UBAP2: variants seen among roughly 807,000 people sequenced by gnomAD.
UBAP2 encodes ubiquitin associated protein 2.
In UBAP2, 75 loss-of-function variants were observed where a neutral mutation model predicts 139.6. That is an observed-to-expected ratio of 0.54 (90% CI 0.45 to 0.65). The LOEUF (loss-of-function observed/expected upper bound fraction) is 0.65. UBAP2 is among the 30% of genes least tolerant of loss of function. The pLI, the probability that UBAP2 is intolerant of heterozygous loss-of-function variation, is 0.00. For synonymous variants in UBAP2, 526 were observed against 526.2 expected, an observed-to-expected ratio of 1.00 and a Z score of 0.01; for missense variants, 1,368 against 1,369.6, an observed-to-expected ratio of 1.00 and a Z score of 0.02.
chr9:33,960,604 C>A (rs1015246578), intron 10 of UBAP2, among the ~76,000 whole-genome samples: 1 of 151,536 alleles, frequency 6.6e-6, no homozygotes, highest in Non-Finnish European at 1.5e-5. Context: ...GGTGAAACAT[C>A]GTCTCTACTA....
At chr9:33,938,930 T>C (rs1285059160) in intron 16 of UBAP2, 1 of 455,452 alleles carries the variant, frequency 2.2e-6, no homozygotes, top group Admixed American at 2.4e-5. Flanking sequence ...AATTTTAATC[T>C]GTGGATATTC....
At chr9:33,980,601 G>A (rs1397935198) in intron 6 of UBAP2, among the ~76,000 whole-genome samples, 2 of 152,012 alleles carry the variant, frequency 1.3e-5, no homozygotes, top group Non-Finnish European at 2.9e-5. Flanking sequence ...ATGGATCTAT[G>A]TCAAGTACAT....
intron 2 of UBAP2, among the ~76,000 whole-genome samples, chr9:34,000,258 G>C (rs1822589707): frequency 1.3e-5 from 2 of 152,222 alleles, no homozygotes; most frequent in Middle Eastern, 3.4e-3. Context: ...TGGACTACAG[G>C]TGCGCACCAC....
chr9:33,945,586 C>T (rs923351586), intron 13 of UBAP2, among the ~76,000 whole-genome samples: 3 of 152,196 alleles, frequency 2.0e-5, no homozygotes, highest in African/African-American at 7.2e-5. Context: ...CATACTTGCT[C>T]CACAAAGGCA....
Position 33,923,871 on chromosome 9 carries a change from G to A in UBAP2, c.2720C>T (p.Pro907Leu). The A allele has an allele frequency of 6.2e-7, 1 of 1,614,222 alleles. No homozygotes were observed. Among genetic ancestry groups the A allele is most frequent in the Non-Finnish European group, 8.5e-7 (1 of 1,180,038 alleles). Residue 907 changes from proline (P) to leucine (L), a missense_variant, in exon 24 of 29, where the codon CCA becomes CTA. By Grantham distance (98) the Pro-to-Leu change is moderately conservative. Transcript: ENST00000379238. ...AQQPFVNPAL[P>L]PGYSYTGLPY... ...AAGACCAGTGTAGCTATAGCCAGGT[G>A]GCAGTGCAGGATTCACGAAGGGCTG...
intron 2 of UBAP2, among the ~76,000 whole-genome samples, chr9:34,006,508 T>C (rs1368798443): frequency 6.6e-6 from 1 of 151,894 alleles, no homozygotes; most frequent in Admixed American, 6.6e-5. Context: ...AACAAAACCC[T>C]TTACAAAAAA....
At chr9:33,998,539 A>G in intron 3 of UBAP2, 2 of 377,982 alleles carry the variant, frequency 5.3e-6, no homozygotes, top group Non-Finnish European at 4.8e-6. Flanking sequence ...TGTCTGGTTC[A>G]ATGTTCACAT....
intron 10 of UBAP2, among the ~76,000 whole-genome samples, 185 bp downstream of exon 10, chr9:33,960,641 A>G (rs307662): frequency 0.4 from 60,493 of 151,826 alleles, 12,439 homozygotes; most frequent in South Asian, 0.48. Context: ...TTAGCCAGGC[A>G]TGGTGGCGCA....
intron 1 of UBAP2, among the ~76,000 whole-genome samples, chr9:34,036,277 C>T (rs1326839824): frequency 6.6e-6 from 1 of 151,824 alleles, no homozygotes; most frequent in Non-Finnish European, 1.5e-5. Context: ...CCGCCATGCC[C>T]GGATAATTTT....
At chr9:34,012,820 T>G (rs138281279) in intron 2 of UBAP2, among the ~76,000 whole-genome samples, 189 of 151,082 alleles carry the variant, frequency 1.3e-3, no homozygotes, top group African/African-American at 4.2e-3. Context: ...ATTGCAACTT[T>G]TCCGTAAATC....
chr9:34,019,819 T>C (rs1022591256), intron 1 of UBAP2, among the ~76,000 whole-genome samples: 8 of 150,970 alleles, frequency 5.3e-5, no homozygotes, highest in African/African-American at 7.4e-5. Context: ...AACAAACTGT[T>C]TATGCAAACA....
chr9:34,029,652 A>G (rs1265456516), intron 1 of UBAP2, among the ~76,000 whole-genome samples: 1 of 152,104 alleles, frequency 6.6e-6, no homozygotes, highest in Non-Finnish European at 1.5e-5. Flanking sequence ...CCTGGGCAGC[A>G]TAGCAAGACC....
intron 4 of UBAP2, among the ~76,000 whole-genome samples, chr9:33,991,490 T>C (rs970019936): frequency 3.3e-5 from 5 of 152,002 alleles, no homozygotes; most frequent in Admixed American, 1.3e-4. Flanking sequence ...TAGAAAGAGG[T>C]CCTTGATAGA....
intron 10 of UBAP2, among the ~76,000 whole-genome samples, chr9:33,958,979 T>C (rs560298322): frequency 6.6e-6 from 1 of 151,810 alleles, no homozygotes; most frequent in East Asian, 2.0e-4. Flanking sequence ...TGAAACCCCG[T>C]CTCTACTAAA....
At chr9:34,030,228 G>A (rs1301246674) in intron 1 of UBAP2, among the ~76,000 whole-genome samples, 3 of 150,506 alleles carry the variant, frequency 2.0e-5, no homozygotes, top group African/African-American at 4.9e-5. Context: ...GGCAGATCAC[G>A]GGGTCAGGAG....
At chr9:34,026,058 G>A (rs753472905) in intron 1 of UBAP2, among the ~76,000 whole-genome samples, 7 of 152,124 alleles carry the variant, frequency 4.6e-5, no homozygotes, top group Non-Finnish European at 7.3e-5. Flanking sequence ...CAAAAAACAC[G>A]GTCGGGTAAA....
rs150329837 is a variant in UBAP2, at chr9:33,956,278, A to C, written c.799-132T>G. ...ACAGCTATTCTAAAGAAAATGAAAT[A>C]TACAAGTGACCATGACAAGTAATTT... On this transcript the variant is annotated intron_variant, in intron 10 of 28. Transcript: ENST00000379238. 14 of 576,718 alleles carry C rather than the reference A, an allele frequency of 2.4e-5. No homozygotes were observed. The East Asian group carries it at 4.4e-4, about 18-fold the overall frequency. The allele number at this position is 576,718 out of a possible 1,614,324, so 35.7% of individuals were successfully genotyped here.
chr9:33,956,248 G>T, intron 10 of UBAP2, 102 bp from the exon 11 acceptor site: 2 of 703,194 alleles, frequency 2.8e-6, no homozygotes, highest in Non-Finnish European at 4.9e-6. Context: ...CTTACACTTC[G>T]CATAACAGCT....
chr9:33,990,720 G>A (rs191457283), intron 4 of UBAP2, among the ~76,000 whole-genome samples: 1 of 145,300 alleles, frequency 6.9e-6, no homozygotes, highest in Non-Finnish European at 1.5e-5. Flanking sequence ...ACTGCAACCT[G>A]CATCTCCTGG....
Sources: allele counts gnomAD v4.1 joint callset (sites outside exome capture counted in the v4.1 genomes callset), GRCh38; gene constraint gnomAD v4.1.1; transcripts MANE v1.5; gene names NCBI Gene and HGNC (gene_info 2026-07-23, HGNC 2026-07-21).